The following GALNT15 variants were observed in gnomAD, a reference collection of about 807,000 sequenced individuals.
The protein encoded by GALNT15 is UDP-GalNAc transferase T15.
GALNT15 carries 67 observed loss-of-function variants against 66.8 expected under a neutral mutation model. The ratio of observed to expected loss-of-function variants is 1.00; its 90% CI spans 0.82 to 1.23. GALNT15 has a LOEUF of 1.23. GALNT15 is among the 50% of genes most tolerant of loss of function. GALNT15 has a pLI of 0.00. For synonymous variants in GALNT15, 313 were observed against 311.5 expected (o/e 1.00, Z -0.05); for missense variants, 827 against 804.3 (o/e 1.03, Z -0.34).
Position 16,212,562 on chromosome 3 carries a change from G to A in GALNT15, c.1198-7G>A, listed in dbSNP as rs1171200223. ...GCTGAGGTGTTTATCTTTTCCCTTC[G>A]TGGCAGGCCTGGCTCTGTGGTGGCT... On this transcript the variant is annotated splice_region_variant and splice_polypyrimidine_tract_variant and intron_variant, in intron 5 of 9. Transcript: ENST00000339732. 20 of 1,609,170 alleles carry A rather than the reference G, an allele frequency of 1.2e-5. No individual in the cohort carries two copies. Among genetic ancestry groups the A allele is most frequent in the Non-Finnish European group, 1.4e-5 (16 of 1,176,852 alleles).
At chr3:16,242,404 C>T in the GALNT15 span, among the ~76,000 whole-genome samples, 6 of 152,098 alleles carry the variant, frequency 3.9e-5, no homozygotes, top group African/African-American at 9.7e-5. This position sits in a 1 kb window ranked among gnomAD's most constrained non-coding sequence, Gnocchi z 5.6. Context: ...TGACCAGGAG[C>T]TTGGGAAATC....
In GALNT15 at chr3:16,224,824, C is replaced by T. The variant is rs1167724275; in HGVS notation, c.1773+2066C>T. Among the ~76,000 whole-genome samples, 5 of 151,748 alleles carry T rather than the reference C, an allele frequency of 3.3e-5. No individual in the cohort carries two copies. The highest frequency in any genetic ancestry group is 1.9e-4 in the East Asian group (1 of 5,172). ...GCTAATTTTGTATTTTTAGTAGAGA[C>T]GGGGTTTCCTCCATGTTGGCCAGGC... On this transcript the variant is annotated intron_variant, in intron 9 of 9. Transcript: ENST00000339732. This position sits in a 1 kb window ranked among gnomAD's most constrained non-coding sequence, Gnocchi z 5.2.
intron 6 of GALNT15, 113 bp downstream of exon 6, chr3:16,212,876 T>A (rs1401688224): frequency 1.1e-6 from 1 of 910,602 alleles, no homozygotes; most frequent in African/African-American, 1.7e-5. Context: ...GATTCTGGCT[T>A]GAGCTTCCCT....
intron 3 of GALNT15, among the ~76,000 whole-genome samples, chr3:16,207,807 G>A (rs142883680): frequency 2.6e-5 from 4 of 152,226 alleles, no homozygotes; most frequent in African/African-American, 9.6e-5. Flanking sequence ...TCATTCAGGA[G>A]TGGCCCATAG....
chr3:16,200,567 T>A lies in GALNT15; in HGVS notation c.707-52T>A. 1 of 1,369,892 alleles carries A rather than the reference T, an allele frequency of 7.3e-7. No homozygotes were observed. The highest frequency in any genetic ancestry group is 9.8e-7 in the Non-Finnish European group (1 of 1,018,660). The allele number at this position is 1,369,892 out of a possible 1,614,324, so 84.9% of individuals were successfully genotyped here. A position where few individuals can be genotyped will look rare whatever the true frequency, so the allele number is the denominator to read the frequency against. ...GCTGACGATTGTCTTAGTCACAATCTCATCGGTTGTGGCATTTGTCATTCC... is the reference window on the plus strand; with the variant it reads ...GCTGACGATTGTCTTAGTCACAATCACATCGGTTGTGGCATTTGTCATTCC... On this transcript the variant is annotated intron_variant, in intron 2 of 9. Coordinates refer to ENST00000339732, the MANE Select transcript of GALNT15 (RefSeq NM_054110.5). The surrounding 1 kb of genome is among the most constrained non-coding windows in gnomAD (Gnocchi z 4.4).
In GALNT15 at chr3:16,188,774, G is replaced by C. The variant is rs1474610807; in HGVS notation, c.540-6986G>C. ...CTCATTCCTTAGTGCCTGAAGCTCTGTAAGGTTGGGTGGGAGCGGGGGAGG... is the reference window on the plus strand; with the variant it reads ...CTCATTCCTTAGTGCCTGAAGCTCTCTAAGGTTGGGTGGGAGCGGGGGAGG... On this transcript the variant is annotated intron_variant, in intron 1 of 9. Transcript: ENST00000339732. The surrounding 1 kb of genome is among the most constrained non-coding windows in gnomAD (Gnocchi z 4.6). Among the ~76,000 whole-genome samples the C allele has an allele frequency of 1.3e-5, 2 of 152,174 alleles. No individual in the cohort carries two copies. Among genetic ancestry groups the C allele is most frequent in the African/African-American group, 4.8e-5 (2 of 41,434 alleles).
chr3:16,237,637 C>G, the GALNT15 span, among the ~76,000 whole-genome samples: 1 of 152,322 alleles, frequency 6.6e-6, no homozygotes, highest in East Asian at 1.9e-4. This position sits in a 1 kb window ranked among gnomAD's most constrained non-coding sequence, Gnocchi z 4.2. Flanking sequence ...TGACTTTTAT[C>G]TTAGAGATAA....
chr3:16,228,032 G>T lies in GALNT15; in HGVS notation c.*532G>T. 4 of 987,320 alleles carry T rather than the reference G, an allele frequency of 4.1e-6. No homozygotes were observed. Among genetic ancestry groups the T allele is most frequent in the Non-Finnish European group, 4.8e-6 (4 of 831,144 alleles). The allele number at this position is 987,320 out of a possible 1,614,324, so 61.2% of individuals were successfully genotyped here. A position where few individuals can be genotyped will look rare whatever the true frequency, so the allele number is the denominator to read the frequency against. On this transcript the variant is annotated 3_prime_UTR_variant, in exon 10 of 10. Transcript: ENST00000339732. ...AGCCATATCTCAGAAGAAGGAAAGG[G>T]AGCTACAGAAAGGAGGTTTAGGATT...
At chr3:16,233,182 A>T (rs2672565), downstream of GALNT15, among the ~76,000 whole-genome samples, 1 of 146,920 alleles carries the variant, frequency 6.8e-6, no homozygotes, top group African/African-American at 2.5e-5. Flanking sequence ...TGCAAACTCC[A>T]CCTCCTGGGT....
intron 9 of GALNT15, 91 bp downstream of exon 9, chr3:16,222,849 A>G (rs1354986899): frequency 1.4e-6 from 2 of 1,429,196 alleles, no homozygotes; most frequent in Admixed American, 1.9e-5. Context: ...CCAAGAGGTC[A>G]GGTATTAGGG....
rs2063799720 is a variant in GALNT15, at chr3:16,210,310, C to T, written c.1080-814C>T. ...TGGAAATTATACTGAATAATCATTACAATATCAGTTTTTAGTATTTTGGTA... is the reference window on the plus strand; with the variant it reads ...TGGAAATTATACTGAATAATCATTATAATATCAGTTTTTAGTATTTTGGTA... On this transcript the variant is annotated intron_variant, in intron 4 of 9. Coordinates refer to ENST00000339732, the MANE Select transcript of GALNT15 (RefSeq NM_054110.5). Among the ~76,000 whole-genome samples, 3 of 152,146 alleles carry T rather than the reference C, an allele frequency of 2.0e-5. No homozygotes were observed. The South Asian group carries it at 6.2e-4, about 32-fold the overall frequency.
downstream of GALNT15, among the ~76,000 whole-genome samples, chr3:16,232,506 AT>A (rs1559698429): frequency 3.3e-3 from 275 of 83,332 alleles, 3 homozygotes; most frequent in African/African-American, 0.014. Context: ...ATATATATAT[AT>A]ATATTTATTT....
At position 16,195,858 on chromosome 3, in the gene GALNT15, G is replaced by T; in HGVS notation, c.638G>T (p.Ser213Ile). ...TCCACTCTCCTGCGGACTGTACACA[G>T]CATCCTCGACACAGTGCCCAGGGCC... ...AWSTLLRTVH[S>I]ILDTVPRAFL... The change falls in exon 2 of 10, where the codon AGC becomes ATC. Residue 213 changes from serine to isoleucine, a missense_variant. Coordinates refer to ENST00000339732, the MANE Select transcript of GALNT15 (RefSeq NM_054110.5). The surrounding 1 kb of genome is among the most constrained non-coding windows in gnomAD (Gnocchi z 4.6). 1 of 1,614,136 alleles carries T rather than the reference G, an allele frequency of 6.2e-7. No homozygotes were observed. Among genetic ancestry groups the T allele is most frequent in the South Asian group, 1.1e-5 (1 of 91,080 alleles).
In GALNT15 at chr3:16,224,989, A is replaced by G. The variant is rs1210610763; in HGVS notation, c.1773+2231A>G. On this transcript the variant is annotated intron_variant, in intron 9 of 9. Coordinates refer to ENST00000339732, the MANE Select transcript of GALNT15 (RefSeq NM_054110.5). This position sits in a 1 kb window ranked among gnomAD's most constrained non-coding sequence, Gnocchi z 5.2. ...AGAAATACTAGAGACTGGGTAATTT[A>G]TAAGAAAAAAGGTGTAATTGGCTCA... Among the ~76,000 whole-genome samples the G allele has an allele frequency of 6.6e-6, 1 of 152,150 alleles. No individual in the cohort carries two copies. The highest frequency in any genetic ancestry group is 2.4e-5 in the African/African-American group (1 of 41,426).
At chr3:16,232,104 A>G (rs2064087594), downstream of GALNT15, 1 of 685,880 alleles carries the variant, frequency 1.5e-6, no homozygotes, top group East Asian at 3.8e-5. Flanking sequence ...AAAACTCTCC[A>G]AAATTCTCCA....
chr3:16,243,838 A>G, the GALNT15 span, among the ~76,000 whole-genome samples: 1 of 152,116 alleles, frequency 6.6e-6, no homozygotes, highest in Admixed American at 6.5e-5. Flanking sequence ...CTATTTGGTC[A>G]TTTTCACAGT....
Position 16,227,671 on chromosome 3 carries a change from A to C in GALNT15, c.*171A>C. 2.8e-6 allele frequency: 4 copies of C among 1,419,826 alleles called. No homozygotes were observed. In the South Asian group the frequency reaches 6.1e-5, roughly 22 times the overall value. The allele number at this position is 1,419,826 out of a possible 1,614,324, so 88.0% of individuals were successfully genotyped here. A position where few individuals can be genotyped will look rare whatever the true frequency, so the allele number is the denominator to read the frequency against. ...AGGAAGTTTCTCCTTTTCACACCTT[A>C]TTTCATTGACTGCTGGCTGCTTTAA... On this transcript the variant is annotated 3_prime_UTR_variant, in exon 10 of 10. Transcript: ENST00000339732. This position sits in a 1 kb window ranked among gnomAD's most constrained non-coding sequence, Gnocchi z 4.5.
chr3:16,241,231 C>CAT, the GALNT15 span, among the ~76,000 whole-genome samples: 53 of 152,298 alleles, frequency 3.5e-4, no homozygotes, highest in African/African-American at 9.9e-4. This position sits in a 1 kb window ranked among gnomAD's most constrained non-coding sequence, Gnocchi z 4.6. Context: ...GAGTCCCTAG[C>CAT]ATAGTATCTG....
In GALNT15 at chr3:16,200,666, G is replaced by A. The variant is rs573371305; in HGVS notation, c.754G>A (p.Val252Met). Residue 252 changes from valine (V) to methionine (M), a missense_variant, in exon 3 of 10, where the codon GTG becomes ATG. Val to Met is a conservative substitution (Grantham distance 21). Coordinates refer to ENST00000339732, the MANE Select transcript of GALNT15 (RefSeq NM_054110.5). The surrounding 1 kb of genome is among the most constrained non-coding windows in gnomAD (Gnocchi z 4.4). Reference protein sequence around the residue: ...LSEYVARLEGVKLLRSNKRLG... With the variant: ...LSEYVARLEGMKLLRSNKRLG... The stretch of plus-strand genomic sequence containing the variant: ...CGAATATGTGGCCAGGCTGGAGGGG[G>A]TGAAGTTACTCAGGAGCAACAAGAG... The A allele has an allele frequency of 6.2e-7, 1 of 1,602,662 alleles. No homozygotes were observed. The highest frequency in any genetic ancestry group is 1.1e-5 in the South Asian group (1 of 88,946).
Sources: gnomAD v4.1 joint callset for allele counts (sites outside exome capture counted in the v4.1 genomes callset) on GRCh38, gnomAD v4.1.1 for gene constraint, Gnocchi (gnomAD v3.1) non-coding constraint, MANE v1.5 for transcripts, NCBI Gene and HGNC (gene_info 2026-07-23, HGNC 2026-07-21) for gene names.